Variants in DMAC2L observed in about 807,000 individuals in gnomAD.
The protein encoded by DMAC2L is ATP synthase subunit s, mitochondrial.
DMAC2L carries 21 observed loss-of-function variants against 22.5 expected under a neutral mutation model. That is an observed-to-expected ratio of 0.93 (90% confidence interval 0.66 to 1.34). The LOEUF (loss-of-function observed/expected upper bound fraction) is 1.34, where lower values mean the gene tolerates loss of function less well. Ranked by LOEUF, DMAC2L falls within the 40% of genes most tolerant of loss-of-function variation. The pLI, the probability that DMAC2L is intolerant of heterozygous loss-of-function variation, is 0.00. For synonymous variants in DMAC2L, 86 were observed against 89.5 expected (o/e 0.96, Z 0.22); for missense variants, 239 against 246.5 (o/e 0.97, Z 0.20).
Position 50,324,033 on chromosome 14 carries a change from T to C in DMAC2L, c.405T>C (p.Asn135=). ...DCLLRLSQLE[N]LQKTILEMEI... ...TGCTGAGACTTAGTCAACTTGAAAA[T>C]TTACAAAAAACCATATTGGAAATGG... The change falls in exon 5 of 6, where the codon AAT becomes AAC. Residue 135 remains asparagine (N), a synonymous_variant. Transcript: ENST00000557421. The C allele has an allele frequency of 6.2e-7, 1 of 1,613,840 alleles. No individual in the cohort carries two copies. Among genetic ancestry groups the C allele is most frequent in the Non-Finnish European group, 8.5e-7 (1 of 1,179,946 alleles).
At chr14:50,313,826 G>A (rs1006599204) in intron 1 of DMAC2L, among the ~76,000 whole-genome samples, 1 of 151,262 alleles carries the variant, frequency 6.6e-6, no homozygotes, top group East Asian at 1.9e-4. Context: ...CACAGTCAAG[G>A]TACAGCCCAG....
intron 1 of DMAC2L, 67 bp from the exon 2 acceptor site, chr14:50,314,524 T>C: frequency 2.2e-6 from 1 of 455,978 alleles, no homozygotes; most frequent in Non-Finnish European, 4.4e-6. Context: ...TTTTTAGCTA[T>C]TGTGAATCAA....
At position 50,322,594 on chromosome 14, in the gene DMAC2L, A is replaced by G. The variant is rs753665685; in HGVS notation, c.191A>G (p.Tyr64Cys). ...CTGCGCTGTGGGGCCATGGTGCGCT[A>G]CCATGGCCAGGAGAGGTGGCAGAAG... Reference protein sequence around the residue: ...WLLRCGAMVRYHGQERWQKDY... With the variant: ...WLLRCGAMVRCHGQERWQKDY... The change falls in exon 4 of 6, where the codon TAC (tyrosine) becomes TGC (cysteine). Residue 64 changes from tyrosine to cysteine, a missense_variant. Tyr to Cys is a radical substitution (Grantham distance 194). Transcript: ENST00000557421. 2 of 1,614,088 alleles carry G rather than the reference A, an allele frequency of 1.2e-6. No homozygotes were observed. Among genetic ancestry groups the G allele is most frequent in the South Asian group, 1.1e-5 (1 of 91,090 alleles).
At position 50,312,712 on chromosome 14, in the gene DMAC2L, C is replaced by T. The variant is rs1277894729; in HGVS notation, c.-42+323C>T. ...GGTAGACGGAGGGCCTGGGCACCCA[C>T]CGTCTCCATCCCGGCCCCAGCCCAG... On this transcript the variant is annotated intron_variant, in intron 1 of 5. Coordinates refer to ENST00000557421, the MANE Select transcript of DMAC2L (RefSeq NM_001382507.1). 7.8e-6 allele frequency: 3 copies of T among 385,086 alleles called. No homozygotes were observed. The South Asian group carries it at 1.2e-4, about 15-fold the overall frequency. The allele number at this position is 385,086 out of a possible 1,614,324, so 23.9% of individuals were successfully genotyped here. A position where few individuals can be genotyped will look rare whatever the true frequency, so the allele number is the denominator to read the frequency against.
In DMAC2L at chr14:50,312,324, G is replaced by C; in HGVS notation, c.-107G>C. 1 of 874,890 alleles carries C rather than the reference G, an allele frequency of 1.1e-6. No homozygotes were observed. The highest frequency in any genetic ancestry group is 1.7e-6 in the Non-Finnish European group (1 of 577,046). The allele number at this position is 874,890 out of a possible 1,614,324, so 54.2% of individuals were successfully genotyped here. A position where few individuals can be genotyped will look rare whatever the true frequency, so the allele number is the denominator to read the frequency against. ...ATAGGCGCGCGCGTCGGAGGGCGAA[G>C]GGCCGGCCAGGGTGCCGCAGACGCG... On this transcript the variant is annotated 5_prime_UTR_variant, in exon 1 of 6. Transcript: ENST00000557421.
chr14:50,312,357 T>G lies in DMAC2L; in HGVS notation c.-74T>G, dbSNP rs2031293651. On this transcript the variant is annotated 5_prime_UTR_variant, in exon 1 of 6. Coordinates refer to ENST00000557421, the MANE Select transcript of DMAC2L (RefSeq NM_001382507.1). ...CAGGGTGCCGCAGACGCGGGGACGC[T>G]GGCTCGCTCCCTCCCTCCCTCCCTC... The G allele has an allele frequency of 7.5e-6, 5 of 666,136 alleles. No individual in the cohort carries two copies. Among genetic ancestry groups the G allele is most frequent in the African/African-American group, 3.6e-5 (2 of 55,078 alleles). The allele number at this position is 666,136 out of a possible 1,614,324, so 41.3% of individuals were successfully genotyped here.
At position 50,326,215 on chromosome 14, in the gene DMAC2L, C is replaced by T. The variant is rs113015063; in HGVS notation, c.*492C>T. 1,054 of 302,900 alleles carry T rather than the reference C, an allele frequency of 3.5e-3. 15 individuals are homozygous for T. Among genetic ancestry groups the T allele is most frequent in the African/African-American group, 0.024 (959 of 39,312 alleles). The allele number at this position is 302,900 out of a possible 1,614,324, so 18.8% of individuals were successfully genotyped here. On this transcript the variant is annotated 3_prime_UTR_variant, in exon 6 of 6. Transcript: ENST00000557421. ...CTGCACTCCAGCCTGGGTGACAGAG[C>T]GAGACTGTCTCAAAAAAAAAAAAAA... is the stretch of plus-strand genomic sequence containing the variant.
upstream of DMAC2L, chr14:50,312,049 T>C (rs929161536): frequency 6.3e-7 from 1 of 1,588,974 alleles, no homozygotes. Flanking sequence ...ACAGCGGTCT[T>C]GGCCTCCCAG....
rs980629222 is a variant in DMAC2L, at chr14:50,322,711, A to T, written c.308A>T (p.Asp103Val). The T allele has an allele frequency of 6.2e-7, 1 of 1,614,192 alleles. No individual in the cohort carries two copies. The highest frequency in any genetic ancestry group is 1.7e-5 in the Admixed American group (1 of 60,028). ...TCTTGTATCATGAGCATTGGATTTG[A>T]TCACATGGGTAACTACCCTATCGTT... is the stretch of plus-strand genomic sequence containing the variant. ...TDSCIMSIGF[D>V]HMEGLEHVEK... Residue 103 changes from aspartate to valine, a missense_variant, in exon 4 of 6, where the codon GAT becomes GTT. Coordinates refer to ENST00000557421, the MANE Select transcript of DMAC2L (RefSeq NM_001382507.1).
At chr14:50,323,916 G>C in intron 4 of DMAC2L, 29 bp from the exon 5 acceptor site, 1 of 1,561,392 alleles carries the variant, frequency 6.4e-7, no homozygotes, top group East Asian at 2.3e-5. Context: ...TGGTAAAGCA[G>C]ATTCTTAATC....
In DMAC2L at chr14:50,324,062, TAATATCCTGTGGG is replaced by T; in HGVS notation, c.441_453del (p.Cys148GlnfsTer11). 1 of 1,614,066 alleles carries T rather than the reference TAATATCCTGTGGG, an allele frequency of 6.2e-7. No individual in the cohort carries two copies. The highest frequency in any genetic ancestry group is 1.1e-5 in the South Asian group (1 of 91,056). ...CAAAAAACCATATTGGAAATGGAAA[TAATATCCTGTGGG>T]AATATCACAGACAAAGGCATCATTG... On this transcript the variant is annotated frameshift_variant, in exon 5 of 6. Coordinates refer to ENST00000557421, the MANE Select transcript of DMAC2L (RefSeq NM_001382507.1). LOFTEE classifies it high-confidence loss of function.
intron 2 of DMAC2L, among the ~76,000 whole-genome samples, chr14:50,320,462 C>T (rs549314651): frequency 2.5e-4 from 38 of 152,264 alleles, no homozygotes; most frequent in African/African-American, 8.9e-4. Flanking sequence ...AAACACTTCA[C>T]GACCTGACTG....
In DMAC2L at chr14:50,321,588, TTAATAAG is replaced by T. The variant is rs2032279707; in HGVS notation, c.105_107+4del. The stretch of plus-strand genomic sequence containing the variant: ...TTCTGGGGCTGGTTGAATGCAGTGT[TTAATAAG>T]TAAGTTACTCTAAATAAAGTGAAGA... On this transcript the variant is annotated splice_donor_variant and coding_sequence_variant, in exon 3 of 6. Transcript: ENST00000557421. LOFTEE classifies it high-confidence loss of function. 1 of 1,609,332 alleles carries T rather than the reference TTAATAAG, an allele frequency of 6.2e-7. No homozygotes were observed. The highest frequency in any genetic ancestry group is 1.3e-5 in the African/African-American group (1 of 74,826).
intron 2 of DMAC2L, chr14:50,318,903 A>G (rs186495738): frequency 6.1e-4 from 237 of 387,450 alleles, no homozygotes; most frequent in Middle Eastern, 1.3e-3. Flanking sequence ...CTATGAGGTC[A>G]GGAACCTTGT....
chr14:50,312,229 C>A, upstream of DMAC2L: 1 of 1,565,340 alleles, frequency 6.4e-7, no homozygotes, highest in Non-Finnish European at 8.6e-7. Flanking sequence ...CGCTCTTTAG[C>A]CCCGCCCCTC....
chr14:50,311,930 G>T (rs2031229077), upstream of DMAC2L: 2 of 1,520,594 alleles, frequency 1.3e-6, no homozygotes, highest in South Asian at 1.2e-5. Flanking sequence ...AGGGAAATAC[G>T]AACAGGGGCA....
intron 2 of DMAC2L, among the ~76,000 whole-genome samples, chr14:50,317,416 A>C (rs2031897283): frequency 6.6e-6 from 1 of 152,052 alleles, no homozygotes. Context: ...GATGCCTTTT[A>C]TTTCTTTCTC....
At chr14:50,320,239 G>A (rs932551467) in intron 2 of DMAC2L, among the ~76,000 whole-genome samples, 4 of 151,720 alleles carry the variant, frequency 2.6e-5, no homozygotes, top group Admixed American at 1.3e-4. Flanking sequence ...GACTACAGGC[G>A]CATGCCACCA....
intron 2 of DMAC2L, among the ~76,000 whole-genome samples, chr14:50,320,298 A>G (rs2032163121): frequency 6.6e-6 from 1 of 151,730 alleles, no homozygotes; most frequent in Admixed American, 6.6e-5. Context: ...TTTAGTAGAG[A>G]CAGAGTTTCA....
Sources: gnomAD v4.1 joint callset for allele counts (sites outside exome capture counted in the v4.1 genomes callset) on GRCh38, gnomAD v4.1.1 for gene constraint, MANE v1.5 for transcripts, NCBI Gene and HGNC (gene_info 2026-07-23, HGNC 2026-07-21) for gene names.